Variants in ARHGEF7 observed in about 807,000 individuals in gnomAD.
ARHGEF7 encodes Rho guanine nucleotide exchange factor 7.
In ARHGEF7, 33 loss-of-function variants were observed where a neutral mutation model predicts 109.8. That is an observed-to-expected ratio of 0.30 (90% CI 0.23 to 0.40). ARHGEF7 has a LOEUF of 0.40. Ranked by LOEUF, ARHGEF7 falls within the 10% of genes least tolerant of loss-of-function variation. The pLI, the probability that ARHGEF7 is intolerant of heterozygous loss-of-function variation, is 1.00. For synonymous variants in ARHGEF7, 458 were observed against 424.6 expected, an observed-to-expected ratio of 1.08 and a Z score of -0.97; for missense variants, 938 against 1,098.5, an observed-to-expected ratio of 0.85 and a Z score of 2.07.
chr13:111,208,621 C>T (rs575550702), intron 3 of ARHGEF7, among the ~76,000 whole-genome samples: 8 of 152,194 alleles, frequency 5.3e-5, no homozygotes, highest in African/African-American at 9.6e-5. Context: ...AGACCATGGC[C>T]GGGAGCCCTG....
rs1190343654 is a variant in ARHGEF7, at chr13:111,292,159, G to T, written c.2176G>T (p.Asp726Tyr). 1 of 1,613,402 alleles carries T rather than the reference G, an allele frequency of 6.2e-7. No individual in the cohort carries two copies. Among genetic ancestry groups the T allele is most frequent in the African/African-American group, 1.3e-5 (1 of 74,904 alleles). The change falls in exon 19 of 22, where the codon GAT (aspartate) becomes TAT (tyrosine). Residue 726 changes from aspartate to tyrosine, a missense_variant. Transcript: ENST00000646102. ...TDLMHNHVLA[D>Y]DDQPSLDSLG... ...CCTGATGCATAATCACGTCTTGGCT[G>T]ATGATGACCAACCAAGCCTAGACTC...
In ARHGEF7 at chr13:111,292,667, T is replaced by C. The variant is rs539682449; in HGVS notation, c.2311+373T>C. 71 of 1,084,830 alleles carry C rather than the reference T, an allele frequency of 6.5e-5. 1 individual carries two copies. The South Asian group carries it at 2.0e-3, about 30-fold the overall frequency. The allele number at this position is 1,084,830 out of a possible 1,614,324, so 67.2% of individuals were successfully genotyped here. On this transcript the variant is annotated intron_variant, in intron 19 of 21. Transcript: ENST00000646102. ...TCTGGATACAGCTGTATGAACACTT[T>C]TCTATTTTATACTGAAATCACACAG...
At position 111,259,544 on chromosome 13, in the gene ARHGEF7, G is replaced by A. The variant is rs930147910; in HGVS notation, c.951-8004G>A. Among the ~76,000 whole-genome samples the A allele has an allele frequency of 5.9e-5, 9 of 152,224 alleles. No individual in the cohort carries two copies. In the South Asian group the frequency reaches 6.2e-4, roughly 10 times the overall value. On this transcript the variant is annotated intron_variant, in intron 8 of 21. Coordinates refer to ENST00000646102, the MANE Select transcript of ARHGEF7 (RefSeq NM_001354046.2). ...TCAGCAAGAGTCACAGCATTACTGC[G>A]TGTGGGGTGCCCCAATTTAATGCAG...
intron 8 of ARHGEF7, among the ~76,000 whole-genome samples, chr13:111,245,915 A>G (rs772982630): frequency 3.3e-5 from 5 of 152,252 alleles, no homozygotes; most frequent in African/African-American, 7.2e-5. Context: ...AACATGTTCC[A>G]ATATCAAATG....
At chr13:111,170,511 A>G (rs1186327169) in intron 2 of ARHGEF7, among the ~76,000 whole-genome samples, 1 of 152,226 alleles carries the variant, frequency 6.6e-6, no homozygotes, top group Non-Finnish European at 1.5e-5. Flanking sequence ...TATGTAGGGA[A>G]GCTGGGTGAG....
intron 8 of ARHGEF7, 59 bp downstream of exon 8, chr13:111,244,353 T>A (rs570314232): frequency 4.1e-6 from 4 of 978,836 alleles, no homozygotes; most frequent in African/African-American, 3.3e-5. Context: ...ATTTAAAGGA[T>A]TAAGTGTGAA....
Position 111,275,696 on chromosome 13 carries a change from C to G in ARHGEF7, c.1419+18C>G, listed in dbSNP as rs746626562. 6.2e-7 allele frequency: 1 copy of G among 1,613,950 alleles called. No homozygotes were observed. The highest frequency in any genetic ancestry group is 1.7e-5 in the Admixed American group (1 of 60,032). ...GAAGTGAGGTACTGCTGCCCACATG[C>G]ACGCACCAGGGTTTCTGTCCCACTC... On this transcript the variant is annotated intron_variant, in intron 12 of 21. Transcript: ENST00000646102.
intron 8 of ARHGEF7, among the ~76,000 whole-genome samples, chr13:111,253,929 C>CT (rs1254185122): frequency 6.6e-6 from 1 of 152,232 alleles, no homozygotes; most frequent in African/African-American, 2.4e-5. Context: ...CATGGGACGC[C>CT]TTTTCCTCAT....
intron 8 of ARHGEF7, among the ~76,000 whole-genome samples, chr13:111,249,122 AC>A (rs1566956735): frequency 6.6e-6 from 1 of 152,144 alleles, no homozygotes; most frequent in Non-Finnish European, 1.5e-5. Context: ...GGTCACACTC[AC>A]CGTGGGTTTC....
intron 2 of ARHGEF7, among the ~76,000 whole-genome samples, chr13:111,163,874 T>A (rs2076930978): frequency 6.6e-6 from 1 of 152,240 alleles, no homozygotes; most frequent in Non-Finnish European, 1.5e-5. Context: ...TAACCCAGTG[T>A]ATCCATAAAA....
intron 8 of ARHGEF7, among the ~76,000 whole-genome samples, chr13:111,264,394 GTGGCTGTTGGATT>G (rs560318351): frequency 6.6e-6 from 1 of 152,290 alleles, no homozygotes; most frequent in South Asian, 2.1e-4. Flanking sequence ...CAGGTGGCTA[GTGGCTGTTGGATT>G]TGAGGGTAAA....
intron 9 of ARHGEF7, among the ~76,000 whole-genome samples, chr13:111,269,395 A>G (rs1452381274): frequency 6.6e-6 from 1 of 152,204 alleles, no homozygotes; most frequent in African/African-American, 2.4e-5. Flanking sequence ...TAGGACTGTT[A>G]GTTTCCTAAA....
intron 6 of ARHGEF7, among the ~76,000 whole-genome samples, chr13:111,242,497 A>T (rs2087960702): frequency 6.6e-6 from 1 of 152,226 alleles, no homozygotes; most frequent in South Asian, 2.1e-4. Flanking sequence ...GTGAGAATGT[A>T]TTGTTAGCTC....
At chr13:111,212,126 G>A (rs575037211) in intron 4 of ARHGEF7, among the ~76,000 whole-genome samples, 37 of 152,250 alleles carry the variant, frequency 2.4e-4, no homozygotes, top group Non-Finnish European at 4.1e-4. Flanking sequence ...CTGTGAAACC[G>A]TCAGCCCCCT....
intron 2 of ARHGEF7, among the ~76,000 whole-genome samples, chr13:111,169,034 T>C (rs1227501531): frequency 6.6e-6 from 1 of 152,218 alleles, no homozygotes; most frequent in Non-Finnish European, 1.5e-5. Flanking sequence ...TGTTCAGTAA[T>C]TCGGGAAGTT....
chr13:111,137,733 C>T (rs997927276), intron 1 of ARHGEF7, among the ~76,000 whole-genome samples: 1 of 151,956 alleles, frequency 6.6e-6, no homozygotes, highest in Non-Finnish European at 1.5e-5. Flanking sequence ...GAGAAACAAT[C>T]TCCATTAAGA....
intron 2 of ARHGEF7, among the ~76,000 whole-genome samples, chr13:111,204,536 ACG>A (rs1348641982): frequency 6.6e-6 from 1 of 152,184 alleles, no homozygotes; most frequent in East Asian, 1.9e-4. Context: ...GTGTGTGCAC[ACG>A]CGTTCTAGAC....
intron 2 of ARHGEF7, chr13:111,187,072 G>A (rs1376996341): frequency 6.1e-5 from 57 of 941,500 alleles, no homozygotes; most frequent in Non-Finnish European, 7.0e-5. Context: ...AGTTGGGCTG[G>A]AATAGAGCTG....
chr13:111,300,219 A>G (rs2093532347), intron 19 of ARHGEF7, among the ~76,000 whole-genome samples: 1 of 152,192 alleles, frequency 6.6e-6, no homozygotes, highest in Admixed American at 6.5e-5. Flanking sequence ...ATATTTTAGG[A>G]AATATAAAGT....
Sources: allele counts gnomAD v4.1 joint callset (sites outside exome capture counted in the v4.1 genomes callset), GRCh38; gene constraint gnomAD v4.1.1; transcripts MANE v1.5; gene names NCBI Gene and HGNC (gene_info 2026-07-23, HGNC 2026-07-21).